DPP10: variants seen among roughly 807,000 people sequenced by gnomAD.
DPP10 encodes inactive dipeptidyl peptidase 10.
In DPP10, 33 loss-of-function variants were observed where a neutral mutation model predicts 120.9. The ratio of observed to expected loss-of-function variants is 0.27; its 90% CI spans 0.21 to 0.37. The LOEUF (loss-of-function observed/expected upper bound fraction) is 0.37. Ranked by LOEUF, DPP10 falls within the 10% of genes least tolerant of loss-of-function variation. The pLI is 1.00. For synonymous variants in DPP10, 337 were observed against 326.1 expected (o/e 1.03, Z -0.36); for missense variants, 816 against 942.8 (o/e 0.87, Z 1.76).
rs976291299 is a variant in DPP10 at position 115,840,937 on chromosome 2, T to C, written c.2256+114T>C. The C allele has an allele frequency of 1.8e-5, 15 of 814,158 alleles. No homozygotes were observed. The South Asian group carries it at 3.3e-4, about 18-fold the overall frequency. 50.4% of individuals were successfully genotyped at this position (814,158 alleles called of 1,614,324 possible). A position where few individuals can be genotyped will look rare whatever the true frequency, so the allele number is the denominator to read the frequency against. ...CCCTACTATTATTTTTTAATATGTT[T>C]TTTAGTTACCAAAGATTGTGTTCTC... is the stretch of plus-strand genomic sequence containing the variant. On this transcript the variant is annotated intron_variant, in intron 25 of 25. Transcript: ENST00000410059.
intron 1 of DPP10, among the ~76,000 whole-genome samples, chr2:114,655,058 T>A (rs1267060078): frequency 1.3e-5 from 2 of 152,166 alleles, no homozygotes; most frequent in Middle Eastern, 3.2e-3. Flanking sequence ...CGGTGCTTCA[T>A]ACACAAAATG....
intron 5 of DPP10, among the ~76,000 whole-genome samples, chr2:115,561,001 C>T (rs1311780314): frequency 6.6e-6 from 1 of 151,896 alleles, no homozygotes; most frequent in Non-Finnish European, 1.5e-5. Context: ...AGTCGGGAGC[C>T]GTATGGAAGC....
intron 1 of DPP10, among the ~76,000 whole-genome samples, chr2:114,674,510 G>A (rs2105660383): frequency 6.6e-6 from 1 of 152,180 alleles, no homozygotes; most frequent in Non-Finnish European, 1.5e-5. Context: ...TTTCAAGGCT[G>A]TTACTAAATT....
At chr2:115,339,273 G>T (rs113441816) in intron 2 of DPP10, among the ~76,000 whole-genome samples, 2 of 151,986 alleles carry the variant, frequency 1.3e-5, no homozygotes, top group Non-Finnish European at 2.9e-5. Context: ...ATCACTACAC[G>T]TATATAAGAA....
intron 3 of DPP10, among the ~76,000 whole-genome samples, chr2:115,357,706 C>G (rs1052123880): frequency 1.1e-4 from 16 of 152,240 alleles, no homozygotes; most frequent in African/African-American, 3.6e-4. Context: ...TCCTTCTGCT[C>G]TATCCTAGCA....
At position 114,588,578 on chromosome 2, in the gene DPP10, G is replaced by T. The variant is rs114636958; in HGVS notation, c.60+145740G>T. 9.8e-3 allele frequency among the ~76,000 whole-genome samples: 1,486 copies of T among 152,024 alleles called. 26 individuals are homozygous for T. Among genetic ancestry groups the T allele is most frequent in the African/African-American group, 0.033 (1,374 of 41,450 alleles). On this transcript the variant is annotated intron_variant, in intron 1 of 25. Transcript: ENST00000410059. The stretch of plus-strand genomic sequence containing the variant: ...GTGAGTATGCTACTTACCCTGATCT[G>T]GTCACTATATGTTATATGTATGACA...
intron 1 of DPP10, among the ~76,000 whole-genome samples, chr2:115,074,304 G>A (rs7609097): frequency 0.18 from 26,998 of 152,006 alleles, 2,886 homozygotes; most frequent in African/African-American, 0.31. Flanking sequence ...TACCAAAAAC[G>A]GCAGGGAAAT....
chr2:115,690,002 A>G (rs1007293546), intron 7 of DPP10, 81 bp downstream of exon 7: 8 of 1,411,368 alleles, frequency 5.7e-6, no homozygotes, highest in South Asian at 2.5e-5. Context: ...TGGAAAAACC[A>G]TAGGAAAACT....
At chr2:114,747,808 C>T (rs72959532) in intron 1 of DPP10, among the ~76,000 whole-genome samples, 3,228 of 152,226 alleles carry the variant, frequency 0.021, 116 homozygotes, top group African/African-American at 0.074. Context: ...GAACTTTGCA[C>T]TTCTGTTCTA....
At chr2:114,468,144 AG>A (rs1229859322) in intron 1 of DPP10, among the ~76,000 whole-genome samples, 4 of 152,134 alleles carry the variant, frequency 2.6e-5, no homozygotes, top group African/African-American at 9.7e-5. Context: ...TACTCCGTAA[AG>A]GTTGCTTTTC....
At chr2:114,751,483 T>C (rs1020817140) in intron 1 of DPP10, among the ~76,000 whole-genome samples, 1 of 152,208 alleles carries the variant, frequency 6.6e-6, no homozygotes, top group African/African-American at 2.4e-5. Flanking sequence ...AGTCTTGCCC[T>C]GCTGTGAGAA....
At chr2:115,766,949 C>A (rs541847692) in intron 12 of DPP10, among the ~76,000 whole-genome samples, 2 of 152,282 alleles carry the variant, frequency 1.3e-5, no homozygotes, top group Non-Finnish European at 2.9e-5. Flanking sequence ...GGCCCCAGCT[C>A]CAACACTGGG....
At chr2:115,465,400 G>A (rs765295672) in intron 3 of DPP10, among the ~76,000 whole-genome samples, 2 of 152,122 alleles carry the variant, frequency 1.3e-5, no homozygotes, top group African/African-American at 2.4e-5. Context: ...TGAGGAAGGA[G>A]AACTACTGAA....
At chr2:115,226,310 T>C (rs1424837003) in intron 1 of DPP10, among the ~76,000 whole-genome samples, 1 of 152,152 alleles carries the variant, frequency 6.6e-6, no homozygotes, top group African/African-American at 2.4e-5. Context: ...TGCTAATGAG[T>C]TGTACGTGTG....
At chr2:114,642,901 A>C (rs1266959003) in intron 1 of DPP10, among the ~76,000 whole-genome samples, 1 of 151,912 alleles carries the variant, frequency 6.6e-6, no homozygotes, top group African/African-American at 2.4e-5. Context: ...ACAACATCCT[A>C]ATCATGTTTT....
intron 5 of DPP10, among the ~76,000 whole-genome samples, chr2:115,635,670 G>A (rs1383839262): frequency 1.3e-5 from 2 of 152,156 alleles, no homozygotes; most frequent in South Asian, 4.1e-4. Context: ...ATTTGGAGAG[G>A]ATCTTAGCTC....
intron 1 of DPP10, among the ~76,000 whole-genome samples, chr2:114,816,548 C>T (rs1685656418): frequency 6.6e-6 from 1 of 152,154 alleles, no homozygotes; most frequent in South Asian, 2.1e-4. Context: ...TTGAACATCT[C>T]CCCACCCCAT....
intron 1 of DPP10, among the ~76,000 whole-genome samples, chr2:114,795,309 C>T (rs567782612): frequency 1.4e-5 from 2 of 143,870 alleles, no homozygotes; most frequent in African/African-American, 2.5e-5. Context: ...ATGGTGAAAC[C>T]CCACCTCTAC....
At chr2:114,780,823 A>G (rs1169453661) in intron 1 of DPP10, among the ~76,000 whole-genome samples, 1 of 152,126 alleles carries the variant, frequency 6.6e-6, no homozygotes, top group East Asian at 1.9e-4. Flanking sequence ...AGTATCATGA[A>G]TGAAAATGTT....
Sources: allele counts gnomAD v4.1 joint callset (sites outside exome capture counted in the v4.1 genomes callset), GRCh38; gene constraint gnomAD v4.1.1; transcripts MANE v1.5; gene names NCBI Gene and HGNC (gene_info 2026-07-23, HGNC 2026-07-21).